Variants in PCDH9 observed in about 807,000 individuals in gnomAD.
The protein encoded by PCDH9 is protocadherin 9, also known as protocadherin-9.
PCDH9 carries 24 observed loss-of-function variants against 70.6 expected under a neutral mutation model. The observed-to-expected ratio is 0.34, with a 90% CI of 0.25 to 0.48. The LOEUF (loss-of-function observed/expected upper bound fraction) is 0.48, where lower values mean the gene tolerates loss of function less well. Ranked by LOEUF, PCDH9 falls within the 20% of genes least tolerant of loss-of-function variation. The probability of loss-of-function intolerance (pLI) is 0.99; values close to 1 mark genes in which losing one functional copy is unlikely to be tolerated. For synonymous variants in PCDH9, 562 were observed against 558.5 expected (o/e 1.01, Z -0.09); for missense variants, 1,281 against 1,503.6 (o/e 0.85, Z 2.45).
chr13:67,056,893 G>A (rs1443505928), intron 2 of PCDH9, among the ~76,000 whole-genome samples: 2 of 151,994 alleles, frequency 1.3e-5, no homozygotes, highest in Non-Finnish European at 2.9e-5. Flanking sequence ...AGATAGCACT[G>A]ATAATGTATG....
chr13:66,955,096 T>C (rs1201348893), intron 2 of PCDH9, among the ~76,000 whole-genome samples: 1 of 152,184 alleles, frequency 6.6e-6, no homozygotes, highest in East Asian at 1.9e-4. Flanking sequence ...CCACCTACCG[T>C]TGCTCAAGAG....
chr13:66,711,641 T>C lies in PCDH9; in HGVS notation c.3139-80230A>G, dbSNP rs188575045. The stretch of plus-strand genomic sequence containing the variant: ...AAGAGTGGTAGACATTGGGTTATCT[T>C]AGTAATTTTGGAAATAATGAAAATT... On this transcript the variant is annotated intron_variant, in intron 3 of 4. Coordinates refer to ENST00000377865, the MANE Select transcript of PCDH9 (RefSeq NM_203487.3). 3.1e-3 allele frequency among the ~76,000 whole-genome samples: 475 copies of C among 152,290 alleles called. 3 individuals are homozygous for C. The highest frequency in any genetic ancestry group is 0.011 in the African/African-American group (452 of 41,572).
chr13:67,229,392 TA>T lies in PCDH9; in HGVS notation c.-136+387del, dbSNP rs537202723. Among the ~76,000 whole-genome samples, 13 of 152,302 alleles carry T rather than the reference TA, an allele frequency of 8.5e-5. No homozygotes were observed. The South Asian group carries it at 2.7e-3, about 32-fold the overall frequency. ...ACATCACAATATTTTCTACTGAACA[TA>T]AAAGAGAAAAAAAATGCAATTTCTT... On this transcript the variant is annotated intron_variant, in intron 1 of 4. Transcript: ENST00000377865.
chr13:67,204,025 A>C (rs896094991), intron 2 of PCDH9: 1 of 152,080 alleles, frequency 6.6e-6, no homozygotes, highest in Non-Finnish European at 1.5e-5. Context: ...GACATGGAAA[A>C]AATATTTTCC....
At chr13:66,395,130 C>T (rs1227432411) in intron 4 of PCDH9, among the ~76,000 whole-genome samples, 2 of 152,128 alleles carry the variant, frequency 1.3e-5, no homozygotes, top group Admixed American at 6.5e-5. Flanking sequence ...AACTCTAATG[C>T]CAATGAAATG....
At chr13:66,512,929 A>G (rs1176198085) in intron 4 of PCDH9, among the ~76,000 whole-genome samples, 3 of 151,926 alleles carry the variant, frequency 2.0e-5, no homozygotes, top group Non-Finnish European at 4.4e-5. Flanking sequence ...CCCTGGCTCA[A>G]GTGATCCTCC....
At chr13:66,719,268 T>C (rs578017595) in intron 3 of PCDH9, among the ~76,000 whole-genome samples, 20 of 152,198 alleles carry the variant, frequency 1.3e-4, no homozygotes, top group African/African-American at 4.6e-4. Flanking sequence ...CAAATACTAA[T>C]ATAATGGATT....
intron 4 of PCDH9, among the ~76,000 whole-genome samples, chr13:66,468,165 C>G (rs1006707129): frequency 2.0e-5 from 3 of 152,088 alleles, no homozygotes; most frequent in Admixed American, 2.0e-4. Flanking sequence ...CCACCCTACA[C>G]TCTCTCATCC....
intron 3 of PCDH9, among the ~76,000 whole-genome samples, chr13:66,853,954 C>T (rs1055474368): frequency 6.6e-6 from 1 of 151,940 alleles, no homozygotes; most frequent in South Asian, 2.1e-4. Context: ...AAAATATAGC[C>T]TCACAAAATA....
At chr13:67,166,388 G>T (rs771133040) in intron 2 of PCDH9, among the ~76,000 whole-genome samples, 16 of 152,144 alleles carry the variant, frequency 1.1e-4, no homozygotes, top group Non-Finnish European at 2.4e-4. Flanking sequence ...CTTTTGATCG[G>T]AAGCCTGATT....
At chr13:66,883,737 TTG>T (rs1227714672) in intron 3 of PCDH9, among the ~76,000 whole-genome samples, 10 of 152,270 alleles carry the variant, frequency 6.6e-5, no homozygotes, top group Middle Eastern at 3.4e-3. Flanking sequence ...GATTTTGTGT[TTG>T]TGTTTGCTTG....
intron 3 of PCDH9, among the ~76,000 whole-genome samples, chr13:66,841,304 G>T (rs2081112606): frequency 6.6e-6 from 1 of 152,116 alleles, no homozygotes; most frequent in Non-Finnish European, 1.5e-5. Context: ...GAAAAAATCA[G>T]GGATCGTTCT....
chr13:66,909,452 C>T (rs2082420583), intron 2 of PCDH9, among the ~76,000 whole-genome samples: 1 of 151,930 alleles, frequency 6.6e-6, no homozygotes, highest in African/African-American at 2.4e-5. Flanking sequence ...AAAAACATAT[C>T]CTTTTAAAAA....
intron 2 of PCDH9, among the ~76,000 whole-genome samples, chr13:66,933,906 A>G (rs200342502): frequency 2.7e-5 from 4 of 145,872 alleles, no homozygotes; most frequent in East Asian, 2.1e-4. Flanking sequence ...AAAAAAAAAA[A>G]AGGGGGCGGG....
chr13:67,127,109 A>T (rs2086996670), intron 2 of PCDH9, among the ~76,000 whole-genome samples: 1 of 152,212 alleles, frequency 6.6e-6, no homozygotes, highest in South Asian at 2.1e-4. Flanking sequence ...TTTTTGCATT[A>T]TACAAAGATT....
At chr13:67,136,195 G>T (rs1221853787) in intron 2 of PCDH9, among the ~76,000 whole-genome samples, 1 of 152,108 alleles carries the variant, frequency 6.6e-6, no homozygotes, top group African/African-American at 2.4e-5. Context: ...ATCGCCCATA[G>T]AATTCAGTAC....
chr13:66,969,074 G>A (rs1206616694), intron 2 of PCDH9, among the ~76,000 whole-genome samples: 1 of 151,900 alleles, frequency 6.6e-6, no homozygotes, highest in Non-Finnish European at 1.5e-5. Flanking sequence ...AGCCATACTG[G>A]CATTGCTAAT....
At chr13:66,515,834 T>G (rs1359860738) in intron 4 of PCDH9, among the ~76,000 whole-genome samples, 2 of 151,990 alleles carry the variant, frequency 1.3e-5, no homozygotes, top group Non-Finnish European at 2.9e-5. Context: ...TAAAACTAAT[T>G]TAGAAAGCTT....
intron 4 of PCDH9, among the ~76,000 whole-genome samples, chr13:66,358,557 T>C (rs1243571978): frequency 1.3e-5 from 2 of 152,016 alleles, no homozygotes; most frequent in Admixed American, 6.6e-5. Context: ...AAAACTTTTT[T>C]TTCAAGGTAT....
Sources: gnomAD v4.1 joint callset for allele counts (sites outside exome capture counted in the v4.1 genomes callset) on GRCh38, gnomAD v4.1.1 for gene constraint, MANE v1.5 for transcripts, NCBI Gene and HGNC (gene_info 2026-07-23, HGNC 2026-07-21) for gene names.